Variants in ATR observed in about 807,000 individuals in gnomAD.
ATR encodes the protein ATR checkpoint kinase, also known as serine/threonine-protein kinase ATR.
Under a neutral mutation model 305.3 loss-of-function variants are expected in ATR, and 142 were observed. That is an observed-to-expected ratio of 0.47 (90% CI 0.41 to 0.53). ATR has a LOEUF of 0.53. Among genes scored for constraint, ATR ranks in the 20% least tolerant of loss-of-function variants. The pLI is 0.00. For synonymous variants in ATR, 1,050 were observed against 1,068.1 expected, an observed-to-expected ratio of 0.98 and a Z score of 0.33; for missense variants, 2,135 against 3,133.1, an observed-to-expected ratio of 0.68 and a Z score of 7.60.
chr3:142,572,194 C>T lies in ATR; in HGVS notation c.60-4040G>A, dbSNP rs146849246. 9.5e-3 allele frequency among the ~76,000 whole-genome samples: 1,445 copies of T among 151,978 alleles called. 28 individuals carry two copies. The highest frequency in any genetic ancestry group is 0.032 in the African/African-American group (1,330 of 41,442). ...AAGTGATTCTCCTGCCTCAGCCTCC[C>T]GAGTAGCTGGGACTACAGGCACGTG... On this transcript the variant is annotated intron_variant, in intron 1 of 46. Transcript: ENST00000350721.
At position 142,498,734 on chromosome 3, in the gene ATR, T is replaced by C. The variant is rs773935656; in HGVS notation, c.5421A>G (p.Leu1807=). 1.3e-5 allele frequency: 21 copies of C among 1,614,122 alleles called. No individual in the cohort carries two copies. The highest frequency in any genetic ancestry group is 1.5e-5 in the Non-Finnish European group (18 of 1,180,018). ...STTWSVRLGQ[L]LLSAKKRDIT... ...TATCTCTTTTTTTGGCTGATAATAA[T>C]AGCTGTCCCAGTCTGACACTCCATG... The change falls in exon 32 of 47, where the codon CTA becomes CTG. Residue 1807 remains leucine, a synonymous_variant. Coordinates refer to ENST00000350721, the MANE Select transcript of ATR (RefSeq NM_001184.4).
At chr3:142,521,699 A>G (rs557313223) in intron 23 of ATR, among the ~76,000 whole-genome samples, 1 of 152,336 alleles carries the variant, frequency 6.6e-6, no homozygotes, top group Non-Finnish European at 1.5e-5. Context: ...AAAAACAGCA[A>G]GAAAACTAGA....
intron 6 of ATR, 111 bp from the exon 7 acceptor site, chr3:142,559,552 T>C: frequency 9.8e-7 from 1 of 1,024,714 alleles, no homozygotes; most frequent in Non-Finnish European, 1.5e-6. Flanking sequence ...AATTTATCTA[T>C]AACAATTTAA....
chr3:142,541,832 T>C (rs2034062681), intron 17 of ATR, among the ~76,000 whole-genome samples: 1 of 152,048 alleles, frequency 6.6e-6, no homozygotes, highest in South Asian at 2.1e-4. Context: ...TGCTGAAATT[T>C]GCAAAATTTA....
chr3:142,542,797 A>G, intron 16 of ATR, 40 bp from the exon 17 acceptor site: 1 of 1,459,956 alleles, frequency 6.8e-7, no homozygotes, highest in Middle Eastern at 1.8e-4. Flanking sequence ...CTTTATACAG[A>G]TTGAATTTCT....
Position 142,562,294 on chromosome 3 carries a change from C to A in ATR, c.1108G>T (p.Val370Phe). 2.5e-6 allele frequency: 4 copies of A among 1,614,096 alleles called. No individual in the cohort carries two copies. Among genetic ancestry groups the A allele is most frequent in the Non-Finnish European group, 3.4e-6 (4 of 1,179,986 alleles). Residue 370 changes from valine (V) to phenylalanine (F), a missense_variant, in exon 4 of 47, where the codon GTC becomes TTC. Around this residue, in one of 9 missense-constraint regions of ATR, gnomAD observed 744 missense variants for 873.2 expected, o/e 0.85. Coordinates refer to ENST00000350721, the MANE Select transcript of ATR (RefSeq NM_001184.4). Reference sequence around the variant, plus strand: ...GCTTTACAAATATTTCTCACATAGACCTTCCTGACTTGTAAAGCAGATTCA... The same window carrying A: ...GCTTTACAAATATTTCTCACATAGAACTTCCTGACTTGTAAAGCAGATTCA... ...GYESALQVRK[V>F]YVRNICKALL...
Position 142,512,243 on chromosome 3 carries a change from CAG to C in ATR, c.4852+15_4852+16del. 8.4e-7 allele frequency: 1 copy of C among 1,195,186 alleles called. No individual in the cohort carries two copies. Among genetic ancestry groups the C allele is most frequent in the East Asian group, 2.6e-5 (1 of 38,662 alleles). The allele number at this position is 1,195,186 out of a possible 1,614,324, so 74.0% of individuals were successfully genotyped here. On this transcript the variant is annotated intron_variant, in intron 27 of 46. Coordinates refer to ENST00000350721, the MANE Select transcript of ATR (RefSeq NM_001184.4). ...GCTAAAAAAAAAAAAAAAAAAGAAA[CAG>C]AAGTGATAACTCACCCATTGAGTCT... is the stretch of plus-strand genomic sequence containing the variant.
intron 36 of ATR, among the ~76,000 whole-genome samples, chr3:142,477,719 T>C (rs2029997818): frequency 6.6e-6 from 1 of 152,224 alleles, no homozygotes; most frequent in Non-Finnish European, 1.5e-5. Context: ...ATCCATCTGG[T>C]CCTGGACTTT....
chr3:142,558,755 T>G lies in ATR; in HGVS notation c.1754A>C (p.His585Pro). 6.2e-7 allele frequency: 1 copy of G among 1,609,776 alleles called. No individual in the cohort carries two copies. The highest frequency in any genetic ancestry group is 8.5e-7 in the Non-Finnish European group (1 of 1,176,990). ...YMQVNSSFED[H>P]ILEDLCGMLS... is the part of the protein sequence containing the mutation. The stretch of plus-strand genomic sequence containing the variant: ...CATACCACATAAATCTTCCAGGATA[T>G]GATCTTCAAATGAACTGTTTACTAC... Residue 585 changes from histidine (H) to proline (P), a missense_variant, in exon 8 of 47, where the codon CAT (histidine) becomes CCT (proline). His to Pro is a moderately conservative substitution (Grantham distance 77). Around this residue, in one of 9 missense-constraint regions of ATR, gnomAD observed 744 missense variants for 873.2 expected, o/e 0.85. Coordinates refer to ENST00000350721, the MANE Select transcript of ATR (RefSeq NM_001184.4).
intron 36 of ATR, among the ~76,000 whole-genome samples, chr3:142,481,185 G>A (rs544163648): frequency 5.3e-5 from 8 of 152,352 alleles, no homozygotes; most frequent in East Asian, 3.9e-4. Flanking sequence ...TGCTCATGCT[G>A]GGAGCTGTAG....
intron 23 of ATR, among the ~76,000 whole-genome samples, chr3:142,521,312 T>C (rs1442179534): frequency 6.6e-6 from 1 of 152,170 alleles, no homozygotes; most frequent in Admixed American, 6.5e-5. Flanking sequence ...ATTGACAATG[T>C]ACCTGTCACC....
In ATR at chr3:142,451,532, A is replaced by C. The variant is rs1482793170; in HGVS notation, c.7761+1596T>G. ...ATAGAAACAGAAAGAGAACACCAAC[A>C]CCTATATCCAGAGTGGGCACTTGTC... On this transcript the variant is annotated intron_variant, in intron 46 of 46. Coordinates refer to ENST00000350721, the MANE Select transcript of ATR (RefSeq NM_001184.4). The C allele has an allele frequency of 2.2e-5, 31 of 1,381,906 alleles. No homozygotes were observed. The Admixed American group carries it at 7.0e-4, about 31-fold the overall frequency. The allele number at this position is 1,381,906 out of a possible 1,614,324, so 85.6% of individuals were successfully genotyped here. A position where few individuals can be genotyped will look rare whatever the true frequency, so the allele number is the denominator to read the frequency against.
At chr3:142,484,064 C>G (rs1480455105) in intron 36 of ATR, among the ~76,000 whole-genome samples, 1 of 151,874 alleles carries the variant, frequency 6.6e-6, no homozygotes, top group African/African-American at 2.4e-5. Flanking sequence ...GCTCCTAACT[C>G]CTCGTTTTAA....
chr3:142,451,381 TG>T, intron 46 of ATR: 1 of 1,418,954 alleles, frequency 7.0e-7, no homozygotes, highest in Admixed American at 2.2e-5. Context: ...ATACATAACA[TG>T]GGTATTGTAA....
At chr3:142,545,304 C>CGA (rs1384001154) in intron 16 of ATR, among the ~76,000 whole-genome samples, 1 of 151,996 alleles carries the variant, frequency 6.6e-6, no homozygotes, top group African/African-American at 2.4e-5. Context: ...GTAAGGGAGT[C>CGA]GAGACAGGGT....
At chr3:142,520,747 A>T (rs1016347971) in intron 23 of ATR, among the ~76,000 whole-genome samples, 1 of 152,200 alleles carries the variant, frequency 6.6e-6, no homozygotes. Flanking sequence ...AGTTTGAAGC[A>T]AACAGAGGTT....
In ATR at chr3:142,453,111, C is replaced by T; in HGVS notation, c.7761+17G>A. 6.2e-7 allele frequency: 1 copy of T among 1,613,956 alleles called. No homozygotes were observed. Among genetic ancestry groups the T allele is most frequent in the South Asian group, 1.1e-5 (1 of 91,072 alleles). On this transcript the variant is annotated intron_variant, in intron 46 of 46. Coordinates refer to ENST00000350721, the MANE Select transcript of ATR (RefSeq NM_001184.4). ...GATGAGGACTACAGCCCATATCAAG[C>T]TATACCTTCTACTAACCTTTTCATT... is the stretch of plus-strand genomic sequence containing the variant.
intron 45 of ATR, among the ~76,000 whole-genome samples, chr3:142,455,562 CA>C (rs1298985614): frequency 6.6e-6 from 1 of 152,152 alleles, no homozygotes; most frequent in Non-Finnish European, 1.5e-5. Flanking sequence ...TAAGGTTAGG[CA>C]TATAGATCAA....
At chr3:142,561,983 T>C (rs1042038615) in intron 4 of ATR, among the ~76,000 whole-genome samples, 3 of 152,204 alleles carry the variant, frequency 2.0e-5, no homozygotes, top group Non-Finnish European at 4.4e-5. Flanking sequence ...ACATTTACAC[T>C]TCACAGATTC....
Sources: allele counts gnomAD v4.1 joint callset (sites outside exome capture counted in the v4.1 genomes callset), GRCh38; gene constraint gnomAD v4.1.1; regional missense constraint gnomAD v4.1.1; transcripts MANE v1.5; gene names NCBI Gene and HGNC (gene_info 2026-07-23, HGNC 2026-07-21).